The following AVEN variants were observed in gnomAD, a reference collection of about 807,000 sequenced individuals.
The protein encoded by AVEN is cell death regulator Aven.
A neutral mutation model predicts 38.1 loss-of-function variants in AVEN; 41 were observed. The ratio of observed to expected loss-of-function variants is 1.08; its 90% CI spans 0.84 to 1.40. The LOEUF is 1.40. Ranked by LOEUF, AVEN falls within the 40% of genes most tolerant of loss-of-function variation. The probability of loss-of-function intolerance (pLI) is 0.00; values close to 1 mark genes in which losing one functional copy is unlikely to be tolerated. For synonymous variants in AVEN, 206 were observed against 171.8 expected, an observed-to-expected ratio of 1.20 and a Z score of -1.56; for missense variants, 605 against 438.8, an observed-to-expected ratio of 1.38 and a Z score of -3.38.
chr15:34,033,349 A>G (rs975360906), intron 1 of AVEN, among the ~76,000 whole-genome samples: 2 of 152,100 alleles, frequency 1.3e-5, no homozygotes, highest in Non-Finnish European at 2.9e-5. Flanking sequence ...CTACTAAAAT[A>G]CAAAAAATTA....
chr15:34,064,115 C>T (rs1163488185), intron 4 of AVEN: 2 of 1,614,194 alleles, frequency 1.2e-6, no homozygotes, highest in South Asian at 1.1e-5. Context: ...TGGTTTCTAC[C>T]TTCTGTGACA....
chr15:34,057,222 G>A (rs1010765917), intron 5 of AVEN, among the ~76,000 whole-genome samples: 9 of 150,798 alleles, frequency 6.0e-5, no homozygotes, highest in African/African-American at 1.2e-4. Flanking sequence ...CAGCAACCTC[G>A]GCTTCCCAGG....
chr15:33,995,137 C>G (rs1472610743), intron 2 of AVEN, among the ~76,000 whole-genome samples: 1 of 151,966 alleles, frequency 6.6e-6, no homozygotes, highest in Non-Finnish European at 1.5e-5. Flanking sequence ...GGTGGCACAC[C>G]TCTATAGTCC....
chr15:34,017,057 G>A (rs183032184), intron 1 of AVEN, among the ~76,000 whole-genome samples: 12 of 152,062 alleles, frequency 7.9e-5, no homozygotes, highest in East Asian at 1.9e-4. Flanking sequence ...CCTCAGCCTG[G>A]GGAGGTCAAG....
Position 33,917,374 on chromosome 15 carries a change from G to A in AVEN, c.446-41379C>T, listed in dbSNP as rs192922483. Among the ~76,000 whole-genome samples the A allele has an allele frequency of 3.3e-4, 11 of 33,234 alleles. No homozygotes were observed. The Admixed American group carries it at 4.0e-3, about 12-fold the overall frequency. The allele number at this position is 33,234 out of a possible 152,430, so 21.8% of individuals were successfully genotyped here. ...GTGGTGTGTGTGTGTGTGTGTGTGT[G>A]TATACACACACACACACACACACAT... On this transcript the variant is annotated intron_variant, in intron 2 of 5. Transcript: ENST00000306730.
chr15:33,871,817 T>G (rs1054216320), intron 3 of AVEN, among the ~76,000 whole-genome samples: 1 of 150,834 alleles, frequency 6.6e-6, no homozygotes, highest in South Asian at 2.1e-4. Context: ...GGCTTTCTTT[T>G]TTGGTCACCA....
chr15:33,883,094 G>T (rs1891558899), intron 2 of AVEN, among the ~76,000 whole-genome samples: 1 of 152,162 alleles, frequency 6.6e-6, no homozygotes, highest in South Asian at 2.1e-4. Context: ...TACCTAGTCA[G>T]TTACTATTTG....
downstream of AVEN, chr15:33,857,957 G>C: frequency 6.4e-7 from 1 of 1,573,454 alleles, no homozygotes; most frequent in Non-Finnish European, 8.6e-7. Context: ...CCACTGCGGG[G>C]CCACCCCGCC....
chr15:34,005,180 A>G (rs1416848484), intron 1 of AVEN, among the ~76,000 whole-genome samples: 2 of 152,138 alleles, frequency 1.3e-5, no homozygotes, highest in Non-Finnish European at 2.9e-5. Flanking sequence ...ATTTTTAAAA[A>G]ATATTCTTCA....
At chr15:34,005,847 C>G (rs1567462049) in intron 1 of AVEN, among the ~76,000 whole-genome samples, 2 of 152,150 alleles carry the variant, frequency 1.3e-5, no homozygotes. Flanking sequence ...TCATCATAAG[C>G]CTCCCTGTCA....
chr15:34,005,721 C>T (rs1288458998), intron 1 of AVEN, among the ~76,000 whole-genome samples: 2 of 152,182 alleles, frequency 1.3e-5, no homozygotes, highest in Non-Finnish European at 2.9e-5. Context: ...TCTAGTTCCC[C>T]AACCATTCAC....
At chr15:33,970,808 A>G (rs1363039846) in intron 2 of AVEN, among the ~76,000 whole-genome samples, 1 of 151,898 alleles carries the variant, frequency 6.6e-6, no homozygotes, top group Non-Finnish European at 1.5e-5. Context: ...GTAAACAGAG[A>G]CTCATATCCC....
chr15:33,971,815 T>C (rs1597290979), intron 2 of AVEN, among the ~76,000 whole-genome samples: 1 of 152,110 alleles, frequency 6.6e-6, no homozygotes, highest in Non-Finnish European at 1.5e-5. Context: ...TAATTTTCCT[T>C]ATGAAGTGAC....
chr15:34,026,969 G>C (rs1392873188), intron 1 of AVEN, among the ~76,000 whole-genome samples: 2 of 151,982 alleles, frequency 1.3e-5, no homozygotes, highest in Non-Finnish European at 2.9e-5. Flanking sequence ...AACAATTAGA[G>C]ATGCCCAAGA....
intron 2 of AVEN, among the ~76,000 whole-genome samples, chr15:33,992,803 G>A (rs887905267): frequency 6.6e-6 from 1 of 152,150 alleles, no homozygotes; most frequent in African/African-American, 2.4e-5. Flanking sequence ...CTAATTGTTG[G>A]CACAAGGAAC....
chr15:34,038,737 C>A, intron 1 of AVEN, 43 bp downstream of exon 1: 1 of 1,140,028 alleles, frequency 8.8e-7, no homozygotes, highest in Non-Finnish European at 1.1e-6. Flanking sequence ...CCCACTTGCC[C>A]CAGTTACACG....
intron 2 of AVEN, among the ~76,000 whole-genome samples, chr15:33,979,737 C>G (rs1219393100): frequency 1.3e-5 from 2 of 152,148 alleles, no homozygotes; most frequent in Non-Finnish European, 2.9e-5. Context: ...CTTTACTAAA[C>G]TAAGAGAAGT....
intron 2 of AVEN, among the ~76,000 whole-genome samples, chr15:33,943,901 A>G (rs1455904944): frequency 6.7e-6 from 1 of 149,076 alleles, no homozygotes; most frequent in Non-Finnish European, 1.5e-5. Flanking sequence ...TTTATTTTAT[A>G]TACTTCTTTA....
chr15:34,007,161 G>GAC (rs1320355574), intron 1 of AVEN: 3 of 449,248 alleles, frequency 6.7e-6, no homozygotes, highest in Admixed American at 6.4e-5. Flanking sequence ...CTTGTCCAAT[G>GAC]ACACACACAC....
Sources: gnomAD v4.1 joint callset for allele counts (sites outside exome capture counted in the v4.1 genomes callset) on GRCh38, gnomAD v4.1.1 for gene constraint, MANE v1.5 for transcripts, NCBI Gene and HGNC (gene_info 2026-07-23, HGNC 2026-07-21) for gene names.